The following KIAA1328 variants were observed in gnomAD, a reference collection of about 807,000 sequenced individuals.
KIAA1328 encodes the protein protein hinderin.
In KIAA1328, 52 loss-of-function variants were observed where a neutral mutation model predicts 68.1. That is an observed-to-expected ratio of 0.76 (90% CI 0.61 to 0.96). KIAA1328 has a LOEUF of 0.96. KIAA1328 is among the 40% of genes least tolerant of loss of function. The probability of loss-of-function intolerance (pLI) is 0.00; values close to 1 mark genes in which losing one functional copy is unlikely to be tolerated. For missense variants in KIAA1328, 641 were observed against 677.6 expected (o/e 0.95, Z 0.60); for synonymous variants, 232 against 239.4 (o/e 0.97, Z 0.28).
chr18:36,941,592 C>G (rs931094675), intron 5 of KIAA1328, among the ~76,000 whole-genome samples: 3 of 151,872 alleles, frequency 2.0e-5, no homozygotes, highest in Non-Finnish European at 4.4e-5. Context: ...GAGCAAGACT[C>G]CATCTCAAAA....
At chr18:37,203,726 C>T (rs2060158847) in intron 9 of KIAA1328, among the ~76,000 whole-genome samples, 1 of 152,172 alleles carries the variant, frequency 6.6e-6, no homozygotes, top group African/African-American at 2.4e-5. Flanking sequence ...ACTGGTTTGG[C>T]TTTGCCCTGC....
At chr18:36,927,377 A>G (rs976034979) in intron 5 of KIAA1328, among the ~76,000 whole-genome samples, 1 of 152,226 alleles carries the variant, frequency 6.6e-6, no homozygotes, top group African/African-American at 2.4e-5. Context: ...CATAATTGTT[A>G]CTTAGAGAAT....
intron 5 of KIAA1328, among the ~76,000 whole-genome samples, chr18:36,955,140 A>T (rs1322610830): frequency 5.5e-4 from 80 of 145,262 alleles, no homozygotes; most frequent in Admixed American, 1.0e-3. Context: ...GCTATCTCCT[A>T]TTTTTTTTTT....
intron 7 of KIAA1328, among the ~76,000 whole-genome samples, chr18:37,121,585 T>A (rs1164663228): frequency 6.6e-6 from 1 of 152,138 alleles, no homozygotes; most frequent in African/African-American, 2.4e-5. Flanking sequence ...AGGTATAGGA[T>A]CATGTCCTCA....
intron 6 of KIAA1328, among the ~76,000 whole-genome samples, chr18:37,002,084 A>G (rs1163183143): frequency 6.6e-6 from 1 of 152,124 alleles, no homozygotes. Context: ...TAGTGCTGAT[A>G]ATATTATCTT....
chr18:36,836,024 T>G lies in KIAA1328; in HGVS notation c.237+648T>G, dbSNP rs559261821. Among the ~76,000 whole-genome samples the G allele has an allele frequency of 2.0e-5, 3 of 152,164 alleles. No homozygotes were observed. The East Asian group carries it at 5.8e-4, about 29-fold the overall frequency. On this transcript the variant is annotated intron_variant, in intron 3 of 9. Transcript: ENST00000280020. ...CTGTGCTCATTGTTTTACATAATTG[T>G]CTATGGTTGCTTTTGTGTTACAATA... is the stretch of plus-strand genomic sequence containing the variant.
At chr18:36,859,217 A>C (rs1021545269) in intron 4 of KIAA1328, among the ~76,000 whole-genome samples, 4 of 152,064 alleles carry the variant, frequency 2.6e-5, no homozygotes, top group Non-Finnish European at 5.9e-5. Context: ...CATTTTAACA[A>C]GTGCAGTTTC....
At chr18:37,211,914 T>A (rs558805799) in intron 9 of KIAA1328, among the ~76,000 whole-genome samples, 1 of 152,200 alleles carries the variant, frequency 6.6e-6, no homozygotes. Flanking sequence ...ATTTACTGTT[T>A]CCCAATTATT....
chr18:37,175,167 A>T (rs2059575942), intron 9 of KIAA1328, among the ~76,000 whole-genome samples: 1 of 152,214 alleles, frequency 6.6e-6, no homozygotes, highest in African/African-American at 2.4e-5. Context: ...AAGGAAGATT[A>T]TCTGGATTTT....
intron 4 of KIAA1328, among the ~76,000 whole-genome samples, chr18:36,875,131 A>G (rs1205834761): frequency 6.6e-6 from 1 of 152,006 alleles, no homozygotes; most frequent in African/African-American, 2.4e-5. Flanking sequence ...TTCTTTTTGC[A>G]TAGGATTGTC....
At chr18:37,109,083 C>T (rs962979582) in intron 7 of KIAA1328, among the ~76,000 whole-genome samples, 3 of 152,220 alleles carry the variant, frequency 2.0e-5, no homozygotes, top group African/African-American at 7.2e-5. Context: ...CCAGCTTCAT[C>T]CGTGTCCGTG....
intron 8 of KIAA1328, among the ~76,000 whole-genome samples, 183 bp from the exon 9 acceptor site, chr18:37,172,790 T>G (rs1055734460): frequency 6.6e-6 from 1 of 152,232 alleles, no homozygotes; most frequent in African/African-American, 2.4e-5. Flanking sequence ...AAGCGCATTA[T>G]AGATTTCCCA....
intron 7 of KIAA1328, among the ~76,000 whole-genome samples, chr18:37,146,118 A>T (rs973360005): frequency 6.6e-6 from 1 of 151,780 alleles, no homozygotes; most frequent in Admixed American, 6.6e-5. Flanking sequence ...ACATTCAGGG[A>T]TACATGTGCA....
At chr18:36,862,848 T>A (rs1329686370) in intron 4 of KIAA1328, among the ~76,000 whole-genome samples, 1 of 152,166 alleles carries the variant, frequency 6.6e-6, no homozygotes, top group Admixed American at 6.5e-5. Flanking sequence ...TCTATTCTAG[T>A]CATTCTGGTA....
At chr18:36,927,281 C>T (rs1335671264) in intron 5 of KIAA1328, among the ~76,000 whole-genome samples, 3 of 152,176 alleles carry the variant, frequency 2.0e-5, no homozygotes, top group Non-Finnish European at 2.9e-5. Flanking sequence ...TATATGGGAA[C>T]TGTCTGTAGT....
At chr18:37,170,033 T>C (rs2059470304) in intron 8 of KIAA1328, among the ~76,000 whole-genome samples, 1 of 152,240 alleles carries the variant, frequency 6.6e-6, no homozygotes, top group African/African-American at 2.4e-5. Context: ...CCCTTTCAGT[T>C]GTTTCTACTC....
At chr18:36,898,847 A>G (rs1201096912) in intron 5 of KIAA1328, among the ~76,000 whole-genome samples, 6 of 152,018 alleles carry the variant, frequency 3.9e-5, no homozygotes, top group Admixed American at 3.3e-4. Context: ...TGTTGATTTT[A>G]TATCTTTTGA....
chr18:36,994,236 T>C (rs1206333698), intron 6 of KIAA1328, among the ~76,000 whole-genome samples: 1 of 152,222 alleles, frequency 6.6e-6, no homozygotes, highest in Non-Finnish European at 1.5e-5. Flanking sequence ...TACTCCTCTG[T>C]GCCTGTCCCT....
chr18:37,108,911 A>G (rs2057849652), intron 7 of KIAA1328, among the ~76,000 whole-genome samples: 1 of 152,030 alleles, frequency 6.6e-6, no homozygotes, highest in Admixed American at 6.6e-5. Flanking sequence ...TATTTCTCCT[A>G]ATACTATCCC....
Sources: allele counts gnomAD v4.1 joint callset (sites outside exome capture counted in the v4.1 genomes callset), GRCh38; gene constraint gnomAD v4.1.1; transcripts MANE v1.5; gene names NCBI Gene and HGNC (gene_info 2026-07-23, HGNC 2026-07-21).